CCDC180: variants seen among roughly 807,000 people sequenced by gnomAD.
CCDC180 encodes coiled-coil domain-containing protein 180.
A neutral mutation model predicts 209.2 loss-of-function variants in CCDC180; 154 were observed. The ratio of observed to expected loss-of-function variants is 0.74; its 90% CI spans 0.65 to 0.84. CCDC180 has a LOEUF of 0.84. CCDC180 is among the 40% of genes least tolerant of loss of function. The pLI is 0.00. For synonymous variants in CCDC180, 778 were observed against 749.1 expected, an observed-to-expected ratio of 1.04 and a Z score of -0.63; for missense variants, 1,874 against 1,997.3, an observed-to-expected ratio of 0.94 and a Z score of 1.18.
chr9:97,348,601 G>A (rs1436917718), intron 20 of CCDC180, among the ~76,000 whole-genome samples: 2 of 152,128 alleles, frequency 1.3e-5, no homozygotes, highest in Non-Finnish European at 2.9e-5. Flanking sequence ...GGGGTCGGGG[G>A]GGTCTAGGGA....
At chr9:97,313,567 T>C (rs1487073941) in intron 5 of CCDC180, among the ~76,000 whole-genome samples, 1 of 152,222 alleles carries the variant, frequency 6.6e-6, no homozygotes, top group African/African-American at 2.4e-5. Context: ...GGTCATGTGC[T>C]GTTGTTACCC....
intron 21 of CCDC180, 34 bp downstream of exon 21, chr9:97,349,325 G>GTACA (rs1354442140): frequency 1.2e-5 from 19 of 1,520,420 alleles, no homozygotes; most frequent in Non-Finnish European, 1.6e-5. Context: ...CCCCAGCCAT[G>GTACA]TGGCTCTGGA....
Position 97,326,545 on chromosome 9 carries a change from G to A in CCDC180, c.1546-9G>A, listed in dbSNP as rs770537118. The A allele has an allele frequency of 1.5e-5, 23 of 1,558,172 alleles. No homozygotes were observed. The Middle Eastern group carries it at 5.0e-4, about 34-fold the overall frequency. Reference sequence around the variant, plus strand: ...ATCTGCTTCCTCTTGTTTTGGGGGTGGCTTCCAGGTGCAGGAGGCCCACCT... The same window carrying A: ...ATCTGCTTCCTCTTGTTTTGGGGGTAGCTTCCAGGTGCAGGAGGCCCACCT... On this transcript the variant is annotated splice_polypyrimidine_tract_variant and intron_variant, in intron 14 of 36. Coordinates refer to ENST00000529487, the MANE Select transcript of CCDC180 (RefSeq NM_020893.6).
In CCDC180 at chr9:97,340,797, GGA is replaced by G. The variant is rs1445420932; in HGVS notation, c.2275-2541_2275-2540del. On this transcript the variant is annotated intron_variant, in intron 18 of 36. Coordinates refer to ENST00000529487, the MANE Select transcript of CCDC180 (RefSeq NM_020893.6). Reference sequence around the variant, plus strand: ...CCCGCTACTTAGCAGACCAGGAAAGGGAGTCTCCCTTTCCCCGGGGGAGTTTA... The same window carrying G: ...CCCGCTACTTAGCAGACCAGGAAAGGGTCTCCCTTTCCCCGGGGGAGTTTA... 2.0e-5 allele frequency among the ~76,000 whole-genome samples: 3 copies of G among 152,132 alleles called. No homozygotes were observed. In the East Asian group the frequency reaches 5.8e-4, roughly 29 times the overall value.
upstream of CCDC180, chr9:97,307,585 C>A: frequency 1.4e-6 from 1 of 697,404 alleles, no homozygotes; most frequent in Non-Finnish European, 2.6e-6. Flanking sequence ...CTCCCTGTGT[C>A]CCATGGAGGG....
At chr9:97,353,095 C>T (rs1240797332) in intron 22 of CCDC180, among the ~76,000 whole-genome samples, 2 of 152,078 alleles carry the variant, frequency 1.3e-5, no homozygotes, top group Non-Finnish European at 2.9e-5. Flanking sequence ...CTCCTGGGTT[C>T]GAGCGATTGT....
intron 5 of CCDC180, among the ~76,000 whole-genome samples, chr9:97,314,108 C>T (rs891444364): frequency 2.0e-5 from 3 of 152,248 alleles, no homozygotes; most frequent in Non-Finnish European, 2.9e-5. Context: ...TTTCATTTGG[C>T]CACGTCTTTA....
rs1243819224 is a variant in CCDC180 at position 97,326,539 on chromosome 9, G to T, written c.1546-15G>T. ...GGTCACATCTGCTTCCTCTTGTTTT[G>T]GGGGTGGCTTCCAGGTGCAGGAGGC... On this transcript the variant is annotated splice_polypyrimidine_tract_variant and intron_variant, in intron 14 of 36. Coordinates refer to ENST00000529487, the MANE Select transcript of CCDC180 (RefSeq NM_020893.6). 6.7e-7 allele frequency: 1 copy of T among 1,491,550 alleles called. No individual in the cohort carries two copies. The highest frequency in any genetic ancestry group is 1.7e-5 in the Admixed American group (1 of 59,798). 92.4% of individuals were successfully genotyped at this position (1,491,550 alleles called of 1,614,324 possible).
chr9:97,369,413 C>CG (rs1827011759), intron 31 of CCDC180: 1 of 123,016 alleles, frequency 8.1e-6, no homozygotes, highest in East Asian at 2.5e-4. Flanking sequence ...TTATTTAAGC[C>CG]TTTATTTTAT....
chr9:97,307,775 G>T lies in CCDC180; in HGVS notation c.-113G>T. ...TGCGCCATGCGCGGCGGGGAGAACC[G>T]GCCTCCTGCTCGAGTTCAGAGCTCA... On this transcript the variant is annotated 5_prime_UTR_variant, in exon 1 of 37. Coordinates refer to ENST00000529487, the MANE Select transcript of CCDC180 (RefSeq NM_020893.6). 6.2e-7 allele frequency: 1 copy of T among 1,614,194 alleles called. No homozygotes were observed.
intron 26 of CCDC180, among the ~76,000 whole-genome samples, chr9:97,360,369 C>T (rs1010775075): frequency 1.3e-5 from 2 of 152,114 alleles, no homozygotes. Flanking sequence ...GACCCTCACT[C>T]ACCCTATCCA....
intron 8 of CCDC180, among the ~76,000 whole-genome samples, chr9:97,315,470 A>G (rs1290434659): frequency 3.3e-5 from 5 of 151,882 alleles, no homozygotes; most frequent in Middle Eastern, 3.4e-3. Flanking sequence ...TCCCCTGTCC[A>G]TGCCCCTAGC....
chr9:97,337,675 CAT>C (rs1014656106), intron 18 of CCDC180, among the ~76,000 whole-genome samples: 1 of 152,156 alleles, frequency 6.6e-6, no homozygotes, highest in African/African-American at 2.4e-5. Flanking sequence ...ATGCTGGCCT[CAT>C]AAAATGTGTT....
chr9:97,328,613 C>T (rs1281588179), intron 16 of CCDC180, among the ~76,000 whole-genome samples: 3 of 152,078 alleles, frequency 2.0e-5, no homozygotes, highest in Non-Finnish European at 2.9e-5. Flanking sequence ...GCATGTGCCT[C>T]CTGCCTGCTG....
intron 26 of CCDC180, 108 bp downstream of exon 26, chr9:97,360,209 C>A: frequency 7.7e-7 from 1 of 1,302,962 alleles, no homozygotes; most frequent in Non-Finnish European, 1.1e-6. Context: ...ACTCCCAGGC[C>A]TCCGCGGGAC....
chr9:97,347,287 G>T lies in CCDC180; in HGVS notation c.2499-27G>T, dbSNP rs574564609. The T allele has an allele frequency of 9.1e-5, 139 of 1,533,056 alleles. No individual in the cohort carries two copies. In the East Asian group the frequency reaches 3.3e-3, roughly 37 times the overall value. The allele number at this position is 1,533,056 out of a possible 1,614,324, so 95.0% of individuals were successfully genotyped here. A position where few individuals can be genotyped will look rare whatever the true frequency, so the allele number is the denominator to read the frequency against. On this transcript the variant is annotated intron_variant, in intron 19 of 36. Transcript: ENST00000529487. ...CTCATGGGTCATGATTGCTGGCAGG[G>T]CTGACCCTGGCTGGTCTCGCCCTCA...
Position 97,330,621 on chromosome 9 carries a change from G to A in CCDC180, c.2128G>A (p.Glu710Lys). The A allele has an allele frequency of 1.2e-6, 2 of 1,613,794 alleles. No individual in the cohort carries two copies. The highest frequency in any genetic ancestry group is 2.2e-5 in the East Asian group (1 of 44,862). Reference sequence around the variant, plus strand: ...GGGCTCCTTAAACCCATCCCTGAATGAGGAGAATGTGAAGGGTCAAGGAGA... The same window carrying A: ...GGGCTCCTTAAACCCATCCCTGAATAAGGAGAATGTGAAGGGTCAAGGAGA... ...REGSLNPSLN[E>K]ENVKGQGEKK... Residue 710 changes from glutamate (E) to lysine (K), a missense_variant, in exon 18 of 37, where the codon GAG (glutamate) becomes AAG (lysine). Coordinates refer to ENST00000529487, the MANE Select transcript of CCDC180 (RefSeq NM_020893.6).
chr9:97,331,514 A>G (rs1262174986), intron 18 of CCDC180, among the ~76,000 whole-genome samples: 1 of 152,114 alleles, frequency 6.6e-6, no homozygotes, highest in East Asian at 1.9e-4. Context: ...ATACACTCCC[A>G]CCAGCAGTGA....
chr9:97,363,981 T>C, intron 28 of CCDC180, 70 bp from the exon 29 acceptor site: 1 of 1,460,072 alleles, frequency 6.8e-7, no homozygotes, highest in South Asian at 1.2e-5. Context: ...CAGGCAGGGA[T>C]CCTGCAGGCT....
Sources: allele counts gnomAD v4.1 joint callset (sites outside exome capture counted in the v4.1 genomes callset), GRCh38; gene constraint gnomAD v4.1.1; transcripts MANE v1.5; gene names NCBI Gene and HGNC (gene_info 2026-07-23, HGNC 2026-07-21).